The following TMEM117 variants were observed in gnomAD, a reference collection of about 807,000 sequenced individuals.
TMEM117 encodes the protein transmembrane protein 117.
TMEM117 carries 27 observed loss-of-function variants against 52.4 expected under a neutral mutation model. The observed-to-expected ratio is 0.51, with a 90% CI of 0.38 to 0.71. The LOEUF (loss-of-function observed/expected upper bound fraction) is 0.71, where lower values mean the gene tolerates loss of function less well. TMEM117 is among the 30% of genes least tolerant of loss of function. TMEM117 has a pLI of 0.00. For synonymous variants in TMEM117, 215 were observed against 206.3 expected (o/e 1.04, Z -0.36); for missense variants, 556 against 630.5 (o/e 0.88, Z 1.26).
At chr12:43,865,212 A>T (rs1287956954) in intron 2 of TMEM117, among the ~76,000 whole-genome samples, 1 of 152,212 alleles carries the variant, frequency 6.6e-6, no homozygotes, top group African/African-American at 2.4e-5. Context: ...AGGGTTGAAC[A>T]GAGATTTTAG....
At chr12:43,850,943 A>G (rs1266220526) in intron 2 of TMEM117, among the ~76,000 whole-genome samples, 1 of 152,172 alleles carries the variant, frequency 6.6e-6, no homozygotes, top group East Asian at 1.9e-4. Flanking sequence ...GAGCACAGAA[A>G]TTTTTGTTAC....
At chr12:43,998,058 G>T (rs1180958110) in intron 3 of TMEM117, among the ~76,000 whole-genome samples, 1 of 152,140 alleles carries the variant, frequency 6.6e-6, no homozygotes, top group East Asian at 1.9e-4. Context: ...GTGTCTGGCT[G>T]CTAGGCTATA....
intron 3 of TMEM117, among the ~76,000 whole-genome samples, chr12:44,131,275 T>C (rs186719565): frequency 6.6e-6 from 1 of 152,298 alleles, no homozygotes; most frequent in Non-Finnish European, 1.5e-5. Flanking sequence ...GTGTCTCTCT[T>C]AGTTTCCAAT....
Position 44,308,059 on chromosome 12 carries a change from A to G in TMEM117, c.768+8320A>G, listed in dbSNP as rs574743395. On this transcript the variant is annotated intron_variant, in intron 6 of 7. Coordinates refer to ENST00000266534, the MANE Select transcript of TMEM117 (RefSeq NM_032256.3). The stretch of plus-strand genomic sequence containing the variant: ...GATCACTCAGGTTTTTATGTATAAC[A>G]TGGAAAGAATGTAGTTTGAAGGAAT... 5.3e-5 allele frequency among the ~76,000 whole-genome samples: 8 copies of G among 152,344 alleles called. No homozygotes were observed. In the South Asian group the frequency reaches 1.7e-3, roughly 32 times the overall value.
chr12:43,985,984 C>G (rs1249700810), intron 3 of TMEM117, among the ~76,000 whole-genome samples: 1 of 152,074 alleles, frequency 6.6e-6, no homozygotes, highest in Admixed American at 6.6e-5. Flanking sequence ...CACGTCTTGT[C>G]TTAAATTGTT....
chr12:43,898,207 C>T (rs964586741), intron 2 of TMEM117, among the ~76,000 whole-genome samples: 21 of 152,066 alleles, frequency 1.4e-4, no homozygotes, highest in African/African-American at 5.1e-4. Context: ...GTTTGAAGTA[C>T]TTCTTCACTC....
chr12:44,145,920 T>C (rs1470172294), intron 4 of TMEM117, among the ~76,000 whole-genome samples: 2 of 152,236 alleles, frequency 1.3e-5, no homozygotes, highest in East Asian at 1.9e-4. Flanking sequence ...TATGGCAACA[T>C]TGTTTGTTTC....
chr12:44,169,205 A>G (rs1316918699), intron 4 of TMEM117, among the ~76,000 whole-genome samples: 1 of 152,138 alleles, frequency 6.6e-6, no homozygotes, highest in East Asian at 1.9e-4. Flanking sequence ...ACTTCCTTTG[A>G]GTACATACCC....
intron 5 of TMEM117, among the ~76,000 whole-genome samples, chr12:44,275,333 A>G (rs1950498893): frequency 6.6e-6 from 1 of 152,138 alleles, no homozygotes; most frequent in Non-Finnish European, 1.5e-5. Flanking sequence ...GGGAACCCTC[A>G]TACACTGTTG....
At chr12:44,180,481 C>A (rs914985964) in intron 4 of TMEM117, among the ~76,000 whole-genome samples, 3 of 148,222 alleles carry the variant, frequency 2.0e-5, no homozygotes, top group Non-Finnish European at 4.5e-5. Flanking sequence ...TTAGGTATAT[C>A]TCCCAATCCT....
At chr12:44,081,477 A>G (rs757613700) in intron 3 of TMEM117, among the ~76,000 whole-genome samples, 1 of 152,132 alleles carries the variant, frequency 6.6e-6, no homozygotes, top group South Asian at 2.1e-4. Context: ...AATCTCTACA[A>G]TTATTCACAC....
At chr12:44,107,134 CACTT>C (rs1947969486) in intron 3 of TMEM117, among the ~76,000 whole-genome samples, 1 of 152,000 alleles carries the variant, frequency 6.6e-6, no homozygotes, top group African/African-American at 2.4e-5. Flanking sequence ...TAAATTATCT[CACTT>C]AGTTCTCAAA....
At chr12:44,234,814 G>A (rs1292429639) in intron 5 of TMEM117, among the ~76,000 whole-genome samples, 1 of 151,292 alleles carries the variant, frequency 6.6e-6, no homozygotes, top group Non-Finnish European at 1.5e-5. Flanking sequence ...TATATACTGT[G>A]TGTAATTTCA....
At chr12:44,238,648 A>G (rs1950027034) in intron 5 of TMEM117, among the ~76,000 whole-genome samples, 1 of 151,736 alleles carries the variant, frequency 6.6e-6, no homozygotes, top group Non-Finnish European at 1.5e-5. Flanking sequence ...CTGTCTCTAA[A>G]CAACAACAAC....
intron 6 of TMEM117, among the ~76,000 whole-genome samples, chr12:44,366,788 A>C (rs1283255160): frequency 2.0e-5 from 3 of 152,134 alleles, no homozygotes; most frequent in African/African-American, 7.2e-5. Context: ...AGCAGTGAGG[A>C]TCCAGCCTAT....
chr12:44,177,621 A>G lies in TMEM117; in HGVS notation c.511-33669A>G, dbSNP rs371885105. The stretch of plus-strand genomic sequence containing the variant: ...AGATTTTTGTCTCATTCTATTCACC[A>G]TGCTTCAGGAAAGTTATTAATAACT... On this transcript the variant is annotated intron_variant, in intron 4 of 7. Coordinates refer to ENST00000266534, the MANE Select transcript of TMEM117 (RefSeq NM_032256.3). Among the ~76,000 whole-genome samples the G allele has an allele frequency of 3.2e-3, 490 of 152,260 alleles. 3 individuals are homozygous for G. Among genetic ancestry groups the G allele is most frequent in the African/African-American group, 0.011 (465 of 41,548 alleles).
intron 2 of TMEM117, among the ~76,000 whole-genome samples, chr12:43,872,929 T>C (rs533234276): frequency 3.3e-5 from 5 of 152,192 alleles, no homozygotes; most frequent in Non-Finnish European, 7.4e-5. Context: ...GCAAATGAGA[T>C]GTTTTATAGC....
At chr12:44,321,689 A>T (rs1299556911) in intron 6 of TMEM117, among the ~76,000 whole-genome samples, 1 of 152,164 alleles carries the variant, frequency 6.6e-6, no homozygotes, top group Non-Finnish European at 1.5e-5. Flanking sequence ...GATGGGTGAA[A>T]AAACTATGCC....
At position 44,388,529 on chromosome 12, in the gene TMEM117, T is replaced by C. The variant is rs1952126124; in HGVS notation, c.1402T>C (p.Cys468Arg). The C allele has an allele frequency of 6.2e-7, 1 of 1,613,606 alleles. No homozygotes were observed. The highest frequency in any genetic ancestry group is 8.5e-7 in the Non-Finnish European group (1 of 1,179,646). The stretch of plus-strand genomic sequence containing the variant: ...CCCCTTGAATGACCCTTCTTTGGTT[T>C]GCATCAGGTCTGACTTCAATGAGAT... Reference protein sequence around the residue: ...EDPLNDPSLVCIRSDFNEIVY... With the variant: ...EDPLNDPSLVRIRSDFNEIVY... The change falls in exon 8 of 8, where the codon TGC becomes CGC. Residue 468 changes from cysteine (C) to arginine (R), a missense_variant. Around this residue, in one of 3 missense-constraint regions of TMEM117, gnomAD observed 206 missense variants for 211.1 expected, o/e 0.98. Coordinates refer to ENST00000266534, the MANE Select transcript of TMEM117 (RefSeq NM_032256.3).
Sources: allele counts gnomAD v4.1 joint callset (sites outside exome capture counted in the v4.1 genomes callset), GRCh38; gene constraint gnomAD v4.1.1; regional missense constraint gnomAD v4.1.1; transcripts MANE v1.5; gene names NCBI Gene and HGNC (gene_info 2026-07-23, HGNC 2026-07-21).